The following HCRTR2 variants were observed in gnomAD, a reference collection of about 807,000 sequenced individuals.
HCRTR2 encodes the protein orexin receptor type 2.
In HCRTR2, 22 loss-of-function variants were observed where a neutral mutation model predicts 49.0. The ratio of observed to expected loss-of-function variants is 0.45; its 90% CI spans 0.32 to 0.64. HCRTR2 has a LOEUF of 0.64. Among genes scored for constraint, HCRTR2 ranks in the 30% least tolerant of loss-of-function variants. The probability of loss-of-function intolerance (pLI) is 0.04; values close to 1 mark genes in which losing one functional copy is unlikely to be tolerated. For missense variants in HCRTR2, 491 were observed against 559.4 expected (o/e 0.88, Z 1.23); for synonymous variants, 236 against 205.3 (o/e 1.15, Z -1.28).
intron 1 of HCRTR2, among the ~76,000 whole-genome samples, chr6:55,175,470 T>TCCTC (rs905445269): frequency 5.3e-4 from 80 of 152,132 alleles, no homozygotes; most frequent in African/African-American, 1.8e-3. Flanking sequence ...GAGATCTCAA[T>TCCTC]CATCCATCCA....
chr6:55,238,631 A>G (rs1241795716), intron 1 of HCRTR2, among the ~76,000 whole-genome samples: 2 of 152,214 alleles, frequency 1.3e-5, no homozygotes, highest in Non-Finnish European at 2.9e-5. Flanking sequence ...TAGAACATCT[A>G]TAAGATGAAA....
chr6:55,175,406 A>G (rs1375108014), intron 1 of HCRTR2, among the ~76,000 whole-genome samples: 1 of 152,148 alleles, frequency 6.6e-6, no homozygotes, highest in Admixed American at 6.5e-5. Flanking sequence ...AAGCTGAATT[A>G]AACAGGATCC....
intron 1 of HCRTR2, among the ~76,000 whole-genome samples, chr6:55,156,485 A>G (rs1198774832): frequency 6.6e-6 from 1 of 152,010 alleles, no homozygotes; most frequent in East Asian, 1.9e-4. Context: ...TGGAATTAAA[A>G]CTAGAGTTTC....
intron 1 of HCRTR2, among the ~76,000 whole-genome samples, chr6:55,218,660 C>A (rs989849706): frequency 6.6e-6 from 1 of 151,958 alleles, no homozygotes; most frequent in East Asian, 1.9e-4. Flanking sequence ...TCACAAGGAA[C>A]AAAGAAGGAC....
chr6:55,215,656 T>C (rs954284641), intron 1 of HCRTR2, among the ~76,000 whole-genome samples: 2 of 152,200 alleles, frequency 1.3e-5, no homozygotes, highest in African/African-American at 4.8e-5. Flanking sequence ...AAATATGTAA[T>C]TTGTGATACT....
intron 1 of HCRTR2, among the ~76,000 whole-genome samples, chr6:55,184,567 G>A (rs1230187991): frequency 6.6e-6 from 1 of 152,014 alleles, no homozygotes; most frequent in East Asian, 1.9e-4. Flanking sequence ...TATTTTAAAT[G>A]ACATGTATTT....
chr6:55,195,746 C>A (rs977953258), intron 1 of HCRTR2, among the ~76,000 whole-genome samples: 8 of 151,946 alleles, frequency 5.3e-5, no homozygotes, highest in African/African-American at 1.9e-4. Context: ...TCGAGGTGGG[C>A]GGATCACAAG....
intron 1 of HCRTR2, among the ~76,000 whole-genome samples, chr6:55,119,232 G>C (rs1028781641): frequency 6.6e-6 from 1 of 152,026 alleles, no homozygotes; most frequent in East Asian, 1.9e-4. Context: ...ATTGTGAATA[G>C]TGCCACAATA....
At chr6:55,140,759 C>T (rs1388892498) in intron 1 of HCRTR2, among the ~76,000 whole-genome samples, 2 of 152,088 alleles carry the variant, frequency 1.3e-5, no homozygotes, top group East Asian at 3.9e-4. Context: ...AGGAAATTAA[C>T]CTTTCAATTT....
At chr6:55,143,130 T>TTTTTTTTTTTTTTTTTTTTTTTTTTTTTG (rs1554167809) in intron 1 of HCRTR2, among the ~76,000 whole-genome samples, 1 of 149,774 alleles carries the variant, frequency 6.7e-6, no homozygotes, top group Non-Finnish European at 1.5e-5. Context: ...AAATATTTTT[T>TTTTTTTTTTTTTTTTTTTTTTTTTTTTTG]AAGTTAATAG....
intron 1 of HCRTR2, among the ~76,000 whole-genome samples, chr6:55,205,897 C>CT (rs1218411223): frequency 6.6e-6 from 1 of 151,962 alleles, no homozygotes; most frequent in Non-Finnish European, 1.5e-5. Context: ...TTTTTACACC[C>CT]TTATTATAAT....
intron 1 of HCRTR2, among the ~76,000 whole-genome samples, chr6:55,237,339 C>T (rs1022048774): frequency 4.6e-5 from 7 of 152,158 alleles, no homozygotes; most frequent in Non-Finnish European, 5.9e-5. Context: ...AAACCACTAT[C>T]CCGTCAGTCA....
intron 1 of HCRTR2, among the ~76,000 whole-genome samples, chr6:55,140,830 C>A (rs949698888): frequency 6.6e-6 from 1 of 152,022 alleles, no homozygotes; most frequent in South Asian, 2.1e-4. Context: ...TATAATCTTG[C>A]AAATGTATAC....
chr6:55,218,917 A>C (rs1765839170), intron 1 of HCRTR2, among the ~76,000 whole-genome samples: 1 of 152,200 alleles, frequency 6.6e-6, no homozygotes, highest in African/African-American at 2.4e-5. Context: ...TCCACTTCCC[A>C]GACTCAAGTG....
rs1022351161 is a variant in HCRTR2, at chr6:55,231,636, C to T, written c.224-17003C>T. 9.2e-5 allele frequency among the ~76,000 whole-genome samples: 14 copies of T among 151,974 alleles called. 1 individual carries two copies. Among genetic ancestry groups the T allele is most frequent in the Non-Finnish European group, 5.9e-5 (4 of 67,952 alleles). ...ATTCAGTTATTATAAAGACCTACTC[C>T]ATCCAAAAAATTGAGTGAAATAAAA... On this transcript the variant is annotated intron_variant, in intron 1 of 6. Transcript: ENST00000370862.
At chr6:55,273,120 G>C (rs900517596) in intron 4 of HCRTR2, among the ~76,000 whole-genome samples, 5 of 151,994 alleles carry the variant, frequency 3.3e-5, no homozygotes, top group African/African-American at 1.2e-4. Context: ...TAAACAAAAA[G>C]TGTCAAGAAA....
Position 55,174,658 on chromosome 6 carries a change from C to T in HCRTR2, c.71C>T (p.Thr24Ile). The T allele has an allele frequency of 6.2e-7, 1 of 1,614,076 alleles. No homozygotes were observed. Among genetic ancestry groups the T allele is most frequent in the African/African-American group, 1.3e-5 (1 of 75,014 alleles). ...TCATCTGCTTCGGAGCTGAATGAAA[C>T]TCAAGAGCCCTTTTTAAACCCCACC... ...NWSSASELNE[T>I]QEPFLNPTDY... The change falls in exon 1 of 7, where the codon ACT (threonine) becomes ATT (isoleucine). Residue 24 changes from threonine to isoleucine, a missense_variant. Thr to Ile is a moderately conservative substitution (Grantham distance 89). Coordinates refer to ENST00000370862, the MANE Select transcript of HCRTR2 (RefSeq NM_001384272.1).
intron 4 of HCRTR2, among the ~76,000 whole-genome samples, chr6:55,271,609 C>A (rs1453805515): frequency 2.0e-5 from 3 of 151,948 alleles, no homozygotes; most frequent in African/African-American, 7.3e-5. Flanking sequence ...CATATAAATG[C>A]AGAAAATATT....
intron 1 of HCRTR2, among the ~76,000 whole-genome samples, chr6:55,110,185 T>C (rs574964662): frequency 1.3e-4 from 20 of 152,162 alleles, no homozygotes; most frequent in Admixed American, 3.9e-4. Flanking sequence ...TTCGCCACTA[T>C]CAAGCCAGCA....
Sources: allele counts gnomAD v4.1 joint callset (sites outside exome capture counted in the v4.1 genomes callset), GRCh38; gene constraint gnomAD v4.1.1; transcripts MANE v1.5; gene names NCBI Gene and HGNC (gene_info 2026-07-23, HGNC 2026-07-21).